Variants in ERCC6 observed in about 807,000 individuals in gnomAD.
ERCC6 encodes the protein DNA excision repair protein ERCC-6.
In ERCC6, 116 loss-of-function variants were observed where a neutral mutation model predicts 158.7. The ratio of observed to expected loss-of-function variants is 0.73; its 90% CI spans 0.63 to 0.85. ERCC6 has a LOEUF of 0.85. ERCC6 is among the 40% of genes least tolerant of loss of function. The pLI is 0.00. For missense variants in ERCC6, 1,698 were observed against 1,799.4 expected, an observed-to-expected ratio of 0.94 and a Z score of 1.02; for synonymous variants, 678 against 659.3, an observed-to-expected ratio of 1.03 and a Z score of -0.43.
the ERCC6 span, among the ~76,000 whole-genome samples, chr10:49,443,169 CT>C: frequency 6.6e-6 from 1 of 152,120 alleles, no homozygotes; most frequent in Non-Finnish European, 1.5e-5. Context: ...CTGAAAGAAC[CT>C]TTTGCCATTT....
chr10:49,501,710 C>A (rs1851357440), intron 6 of ERCC6: 1 of 151,954 alleles, frequency 6.6e-6, no homozygotes, highest in Non-Finnish European at 1.5e-5. Context: ...AATCCCAGCA[C>A]TTTGGGAAGC....
chr10:49,475,431 GA>G, intron 12 of ERCC6: 1 of 450,924 alleles, frequency 2.2e-6, no homozygotes, highest in Non-Finnish European at 4.5e-6. Context: ...CCCTAACTTG[GA>G]AAGACCTGAA....
At chr10:49,508,055 G>GAGAGA (rs1564432979) in intron 5 of ERCC6, among the ~76,000 whole-genome samples, 1 of 152,026 alleles carries the variant, frequency 6.6e-6, no homozygotes, top group Non-Finnish European at 1.5e-5. Flanking sequence ...GAGAGTCCTC[G>GAGAGA]GTATCAAAAC....
Position 49,524,462 on chromosome 10 carries a change from T to C in ERCC6, c.968A>G (p.Lys323Arg). The change falls in exon 5 of 21, where the codon AAA (lysine) becomes AGA (arginine). Residue 323 changes from lysine to arginine, a missense_variant. Physicochemically the swap from Lys to Arg is conservative, Grantham distance 26. Coordinates refer to ENST00000355832, the MANE Select transcript of ERCC6 (RefSeq NM_000124.4). Reference protein sequence around the residue: ...KPNKKARVLSKKEERLKKHIK... With the variant: ...KPNKKARVLSRKEERLKKHIK... The stretch of plus-strand genomic sequence containing the variant: ...GTGCTTTTTCAAACGCTCCTCTTTT[T>C]TGGACAGAACTCTGGCTTTCTTGTT... 1 of 1,614,236 alleles carries C rather than the reference T, an allele frequency of 6.2e-7. No individual in the cohort carries two copies.
intron 3 of ERCC6, among the ~76,000 whole-genome samples, chr10:49,529,333 T>C (rs1837415620): frequency 6.6e-6 from 1 of 152,246 alleles, no homozygotes; most frequent in Non-Finnish European, 1.5e-5. Flanking sequence ...CTAAAGCACT[T>C]TCCCTCTGAA....
chr10:49,435,296 T>C, the ERCC6 span, among the ~76,000 whole-genome samples: 4 of 152,218 alleles, frequency 2.6e-5, no homozygotes, highest in Non-Finnish European at 4.4e-5. Flanking sequence ...CAGTAATTGA[T>C]AGATTAAGCA....
Position 49,470,243 on chromosome 10 carries a change from CTTG to C in ERCC6, c.3714_3716del (p.Asn1238del). On this transcript the variant is annotated inframe_deletion, in exon 18 of 21. Transcript: ENST00000355832. Reference sequence around the variant, plus strand: ...CATTGCTCTGTTCCTTGGCCTCACTCTTGTTTTCACTGTCTTGCTTCTGGTAAC... The same window carrying C: ...CATTGCTCTGTTCCTTGGCCTCACTCTTTTCACTGTCTTGCTTCTGGTAAC... The C allele has an allele frequency of 8.7e-6, 14 of 1,614,174 alleles. No individual in the cohort carries two copies. The highest frequency in any genetic ancestry group is 1.2e-5 in the Non-Finnish European group (14 of 1,180,034).
At chr10:49,530,662 A>G (rs570081448) in intron 3 of ERCC6, 58 bp downstream of exon 3, 1 of 1,598,782 alleles carries the variant, frequency 6.3e-7, no homozygotes. Context: ...TCCTAAATTA[A>G]GTGCCCCTAA....
chr10:49,515,367 T>C (rs759170995), intron 5 of ERCC6: 17 of 1,613,620 alleles, frequency 1.1e-5, no homozygotes, highest in Non-Finnish European at 1.4e-5. Context: ...ACACTTCACA[T>C]GTAAGGCAAC....
intron 5 of ERCC6, among the ~76,000 whole-genome samples, chr10:49,518,643 A>G (rs1022876562): frequency 6.6e-6 from 1 of 152,032 alleles, no homozygotes; most frequent in African/African-American, 2.4e-5. Context: ...GACTCTCTTC[A>G]TAACAGTCAT....
the ERCC6 span, among the ~76,000 whole-genome samples, chr10:49,438,325 A>C: frequency 1.3e-5 from 2 of 152,202 alleles, no homozygotes; most frequent in Admixed American, 6.5e-5. Context: ...GAGGCCTCAG[A>C]ATCATGGTGG....
chr10:49,537,196 T>C (rs901303103), intron 1 of ERCC6, among the ~76,000 whole-genome samples: 4 of 151,902 alleles, frequency 2.6e-5, no homozygotes, highest in Admixed American at 2.0e-4. Flanking sequence ...ATGCAAAAAT[T>C]AGCTGGGCAT....
At chr10:49,509,224 C>T (rs80286706) in intron 5 of ERCC6, among the ~76,000 whole-genome samples, 2 of 152,142 alleles carry the variant, frequency 1.3e-5, no homozygotes, top group Non-Finnish European at 2.9e-5. Context: ...ATATAAAGCA[C>T]CTTAGCACAG....
intron 6 of ERCC6, chr10:49,501,473 C>G (rs1317176330): frequency 6.6e-6 from 1 of 152,056 alleles, no homozygotes; most frequent in Non-Finnish European, 1.5e-5. Flanking sequence ...ACCCCTCCCC[C>G]TGCAAAAAAC....
chr10:49,505,729 C>T (rs1310491458), intron 6 of ERCC6, 155 bp downstream of exon 6: 8 of 780,998 alleles, frequency 1.0e-5, no homozygotes, highest in Admixed American at 7.6e-5. Flanking sequence ...ATGAACAGCA[C>T]GTGGCTATAA....
At chr10:49,529,932 C>G (rs555392508) in intron 3 of ERCC6, among the ~76,000 whole-genome samples, 1 of 152,138 alleles carries the variant, frequency 6.6e-6, no homozygotes, top group Admixed American at 6.5e-5. Context: ...CAAATATTCC[C>G]TACCCTTAAG....
chr10:49,527,855 C>T (rs945257847), intron 4 of ERCC6, among the ~76,000 whole-genome samples: 1 of 152,202 alleles, frequency 6.6e-6, no homozygotes, highest in African/African-American at 2.4e-5. Context: ...TGTACACACA[C>T]ACACACATAC....
Position 49,461,349 on chromosome 10 carries a change from T to C in ERCC6, c.3983+3A>G. 2 of 1,612,732 alleles carry C rather than the reference T, an allele frequency of 1.2e-6. No individual in the cohort carries two copies. Among genetic ancestry groups the C allele is most frequent in the East Asian group, 2.2e-5 (1 of 44,872 alleles). ...GCAAGTATGGCATGCAGCAATCTCTTACTTTTTTCCTGCTGGTGCACCAGA... is the reference window on the plus strand; with the variant it reads ...GCAAGTATGGCATGCAGCAATCTCTCACTTTTTTCCTGCTGGTGCACCAGA... On this transcript the variant is annotated splice_donor_region_variant and intron_variant, in intron 19 of 20. Coordinates refer to ENST00000355832, the MANE Select transcript of ERCC6 (RefSeq NM_000124.4).
chr10:49,480,772 A>C (rs1440719460), intron 10 of ERCC6, among the ~76,000 whole-genome samples: 1 of 151,036 alleles, frequency 6.6e-6, no homozygotes, highest in Non-Finnish European at 1.5e-5. Context: ...AAGACACATC[A>C]CTTCTGTGAT....
Sources: gnomAD v4.1 joint callset for allele counts (sites outside exome capture counted in the v4.1 genomes callset) on GRCh38, gnomAD v4.1.1 for gene constraint, MANE v1.5 for transcripts, NCBI Gene and HGNC (gene_info 2026-07-23, HGNC 2026-07-21) for gene names.